ACCSL: variants seen among roughly 807,000 people sequenced by gnomAD.
The protein encoded by ACCSL is probable inactive 1-aminocyclopropane-1-carboxylate synthase-like protein 2.
In ACCSL, 55 loss-of-function variants were observed where a neutral mutation model predicts 61.7. That is an observed-to-expected ratio of 0.89 (90% CI 0.72 to 1.12). The LOEUF is 1.12. Ranked by LOEUF, ACCSL falls within the 50% of genes most tolerant of loss-of-function variation. The pLI, the probability that ACCSL is intolerant of heterozygous loss-of-function variation, is 0.00. For missense variants in ACCSL, 632 were observed against 698.0 expected (o/e 0.91, Z 1.07); for synonymous variants, 258 against 264.3 (o/e 0.98, Z 0.23).
chr11:43,967,118 G>A, the ACCSL span, among the ~76,000 whole-genome samples: 2 of 110,404 alleles, frequency 1.8e-5, no homozygotes, highest in Non-Finnish European at 3.8e-5. Context: ...AAATTGTTTT[G>A]TTTGTTCTTG....
chr11:43,954,452 G>A, the ACCSL span, among the ~76,000 whole-genome samples: 7 of 152,104 alleles, frequency 4.6e-5, no homozygotes, highest in Non-Finnish European at 1.0e-4. Flanking sequence ...TTTATATAAG[G>A]CACAAAAGAT....
At chr11:43,982,226 C>CT in the ACCSL span, among the ~76,000 whole-genome samples, 23,003 of 86,004 alleles carry the variant, frequency 0.27, 3,857 homozygotes, top group Non-Finnish European at 0.38. Flanking sequence ...CCAAGGCCCT[C>CT]TTTTTTTTTT....
At chr11:44,050,021 G>A (rs775737201) in intron 1 of ACCSL, 41 bp from the exon 2 acceptor site, 1 of 1,613,856 alleles carries the variant, frequency 6.2e-7, no homozygotes, top group South Asian at 1.1e-5. Context: ...GTAGGGTGGA[G>A]CAAGAGGACT....
intron 9 of ACCSL, 36 bp downstream of exon 9, chr11:44,055,327 C>T (rs200922070): frequency 6.4e-7 from 1 of 1,555,860 alleles, no homozygotes; most frequent in East Asian, 2.3e-5. Flanking sequence ...GAACGAGAAC[C>T]ACAAGGTTCT....
chr11:43,986,896 G>A, the ACCSL span, among the ~76,000 whole-genome samples: 1 of 152,180 alleles, frequency 6.6e-6, no homozygotes, highest in African/African-American at 2.4e-5. Flanking sequence ...TGAGATGATG[G>A]TGAGTGCTCC....
chr11:44,015,121 A>G, the ACCSL span, among the ~76,000 whole-genome samples: 1 of 152,242 alleles, frequency 6.6e-6, no homozygotes, highest in Non-Finnish European at 1.5e-5. Flanking sequence ...ATAAACACTC[A>G]GTGGCCAGCT....
chr11:43,937,642 C>A, the ACCSL span, among the ~76,000 whole-genome samples: 1 of 152,172 alleles, frequency 6.6e-6, no homozygotes, highest in African/African-American at 2.4e-5. Flanking sequence ...TTCCAGCCCT[C>A]CTCTGGAATG....
At chr11:43,943,453 G>A in the ACCSL span, 2 of 1,425,722 alleles carry the variant, frequency 1.4e-6, no homozygotes, top group African/African-American at 1.4e-5. The surrounding 1 kb of genome is among the most constrained non-coding windows in gnomAD (Gnocchi z 4.8). Flanking sequence ...CGCCGCGCTC[G>A]CCCTGGCCCG....
At chr11:44,004,987 A>T in the ACCSL span, among the ~76,000 whole-genome samples, 1 of 152,144 alleles carries the variant, frequency 6.6e-6, no homozygotes, top group African/African-American at 2.4e-5. Flanking sequence ...TGTAGGAGAT[A>T]TGTTTTTCGG....
the ACCSL span, among the ~76,000 whole-genome samples, chr11:43,978,783 G>GTTTTT: frequency 7.0e-4 from 55 of 79,114 alleles, 1 homozygote; most frequent in Non-Finnish European, 9.7e-4. Flanking sequence ...GAGAAGGTGG[G>GTTTTT]TTTTTTTTTT....
chr11:43,965,325 A>T, the ACCSL span, among the ~76,000 whole-genome samples: 28 of 152,364 alleles, frequency 1.8e-4, no homozygotes, highest in African/African-American at 6.7e-4. Flanking sequence ...CTGAAAGGGA[A>T]ATTAAGCAAA....
At chr11:43,965,986 G>C in the ACCSL span, among the ~76,000 whole-genome samples, 1 of 152,070 alleles carries the variant, frequency 6.6e-6, no homozygotes, top group Non-Finnish European at 1.5e-5. Flanking sequence ...CTAAATATAA[G>C]AGCTAAAGCC....
the ACCSL span, among the ~76,000 whole-genome samples, chr11:43,981,869 C>A: frequency 3.3e-5 from 5 of 152,216 alleles, no homozygotes; most frequent in Non-Finnish European, 7.3e-5. Context: ...CCCAGGGCAA[C>A]TTCACAGACT....
chr11:44,017,560 A>T, the ACCSL span, among the ~76,000 whole-genome samples: 1 of 152,194 alleles, frequency 6.6e-6, no homozygotes, highest in Non-Finnish European at 1.5e-5. Context: ...GCTTGGGGGC[A>T]ATCAGCTCTG....
the ACCSL span, among the ~76,000 whole-genome samples, chr11:43,997,334 C>T: frequency 6.6e-6 from 1 of 152,096 alleles, no homozygotes; most frequent in Non-Finnish European, 1.5e-5. Flanking sequence ...TTTGGGCTGT[C>T]GGTTCCAGAG....
chr11:43,930,833 G>GCA, the ACCSL span, among the ~76,000 whole-genome samples: 1 of 151,910 alleles, frequency 6.6e-6, no homozygotes, highest in Non-Finnish European at 1.5e-5. Context: ...ATGCACACAC[G>GCA]CACACACACT....
At chr11:43,934,431 C>A in the ACCSL span, among the ~76,000 whole-genome samples, 4 of 152,276 alleles carry the variant, frequency 2.6e-5, no homozygotes, top group South Asian at 6.2e-4. Context: ...GCTTTCCTGT[C>A]CCCACCCCTT....
At chr11:44,009,761 T>A in the ACCSL span, among the ~76,000 whole-genome samples, 1 of 152,024 alleles carries the variant, frequency 6.6e-6, no homozygotes. Context: ...CAGGACCCTG[T>A]CTCAAGTAAG....
chr11:43,940,016 C>T, the ACCSL span, among the ~76,000 whole-genome samples: 9 of 152,348 alleles, frequency 5.9e-5, no homozygotes, highest in South Asian at 8.3e-4. Context: ...TCCTACATCT[C>T]CATTGCCTCT....
Sources: gnomAD v4.1 joint callset for allele counts (sites outside exome capture counted in the v4.1 genomes callset) on GRCh38, gnomAD v4.1.1 for gene constraint, Gnocchi (gnomAD v3.1) non-coding constraint, MANE v1.5 for transcripts, NCBI Gene and HGNC (gene_info 2026-07-23, HGNC 2026-07-21) for gene names.